NLRP13: variants seen among roughly 807,000 people sequenced by gnomAD.
NLRP13 encodes the protein NACHT, LRR and PYD domains-containing protein 13.
In NLRP13, 82 loss-of-function variants were observed where a neutral mutation model predicts 94.4. That is an observed-to-expected ratio of 0.87 (90% CI 0.73 to 1.04). The LOEUF is 1.04. Ranked by LOEUF, NLRP13 falls within the 50% of genes least tolerant of loss-of-function variation. The pLI, the probability that NLRP13 is intolerant of heterozygous loss-of-function variation, is 0.00. For synonymous variants in NLRP13, 553 were observed against 464.7 expected (o/e 1.19, Z -2.45); for missense variants, 1,426 against 1,230.8 (o/e 1.16, Z -2.37).
At chr19:55,922,445 A>G (rs1986854514) in intron 4 of NLRP13, among the ~76,000 whole-genome samples, 1 of 152,036 alleles carries the variant, frequency 6.6e-6, no homozygotes, top group Admixed American at 6.6e-5. Flanking sequence ...CTCCTGCCTC[A>G]GCCTCCCAAG....
At chr19:55,908,912 G>T (rs1037448971) in intron 6 of NLRP13, among the ~76,000 whole-genome samples, 2 of 152,112 alleles carry the variant, frequency 1.3e-5, no homozygotes, top group African/African-American at 2.4e-5. Flanking sequence ...GAACTTAAAT[G>T]TATTTTAAAA....
At chr19:55,907,099 C>T (rs1444368113) in intron 7 of NLRP13, among the ~76,000 whole-genome samples, 1 of 152,142 alleles carries the variant, frequency 6.6e-6, no homozygotes, top group Non-Finnish European at 1.5e-5. Context: ...GCTGAGATTA[C>T]AGGCATGTGC....
intron 4 of NLRP13, among the ~76,000 whole-genome samples, chr19:55,916,473 A>C (rs547113156): frequency 1.1e-3 from 167 of 152,334 alleles, no homozygotes; most frequent in African/African-American, 3.8e-3. Flanking sequence ...CAAAGAAATC[A>C]GAAAATAAAT....
At chr19:55,907,724 A>G in intron 7 of NLRP13, 68 bp downstream of exon 7, 1 of 1,479,024 alleles carries the variant, frequency 6.8e-7, no homozygotes, top group Non-Finnish European at 9.4e-7. Flanking sequence ...CAGCCCTCCC[A>G]GTGGATCGTG....
At chr19:55,908,896 AC>A (rs888937803) in intron 6 of NLRP13, among the ~76,000 whole-genome samples, 12 of 152,182 alleles carry the variant, frequency 7.9e-5, no homozygotes, top group African/African-American at 2.9e-4. Flanking sequence ...ATACACTTGT[AC>A]CCCTGAACTT....
intron 8 of NLRP13, among the ~76,000 whole-genome samples, chr19:55,902,986 A>T (rs1986231993): frequency 6.6e-6 from 1 of 150,762 alleles, no homozygotes; most frequent in South Asian, 2.1e-4. Flanking sequence ...CTGTAATATT[A>T]GTCATAATTA....
intron 4 of NLRP13, among the ~76,000 whole-genome samples, chr19:55,920,515 G>T (rs1986792295): frequency 6.6e-6 from 1 of 151,686 alleles, no homozygotes; most frequent in Non-Finnish European, 1.5e-5. Flanking sequence ...TTTTTTAAAA[G>T]AAGACATAGA....
chr19:55,895,862 T>C (rs1193011879), downstream of NLRP13: 1 of 1,481,804 alleles, frequency 6.7e-7, no homozygotes, highest in Non-Finnish European at 9.2e-7. Flanking sequence ...CCGAGTGCAA[T>C]GGAAACCTGA....
intron 6 of NLRP13, among the ~76,000 whole-genome samples, 178 bp from the exon 7 acceptor site, chr19:55,908,134 A>G (rs1986406901): frequency 6.6e-6 from 1 of 151,928 alleles, no homozygotes; most frequent in Non-Finnish European, 1.5e-5. Context: ...AAACTAAAAT[A>G]TACTCCCCCC....
intron 8 of NLRP13, 70 bp downstream of exon 8, chr19:55,904,872 G>T: frequency 7.7e-7 from 1 of 1,301,310 alleles, no homozygotes; most frequent in Non-Finnish European, 1.1e-6. Context: ...GATATCAAAT[G>T]AAGAAACCAT....
intron 10 of NLRP13, among the ~76,000 whole-genome samples, chr19:55,898,267 T>C (rs978473686): frequency 1.4e-5 from 2 of 146,156 alleles, no homozygotes; most frequent in Admixed American, 7.1e-5. Context: ...TGGAGTGCAA[T>C]GGCACAATCT....
chr19:55,913,425 G>T, intron 4 of NLRP13, 132 bp from the exon 5 acceptor site: 5 of 1,035,254 alleles, frequency 4.8e-6, no homozygotes, highest in South Asian at 1.7e-5. Flanking sequence ...TGGGAATGCA[G>T]TGGTAGAAAG....
chr19:55,909,467 G>T (rs1986443872), intron 6 of NLRP13, among the ~76,000 whole-genome samples: 1 of 151,610 alleles, frequency 6.6e-6, no homozygotes, highest in Non-Finnish European at 1.5e-5. Flanking sequence ...AAACCCTGGT[G>T]TTGCCTCCAA....
At chr19:55,930,843 C>T (rs1453992334) in intron 1 of NLRP13, among the ~76,000 whole-genome samples, 2 of 105,458 alleles carry the variant, frequency 1.9e-5, no homozygotes, top group Non-Finnish European at 1.8e-5. Flanking sequence ...TGCACTAAGA[C>T]CAGACGGCTT....
intron 4 of NLRP13, among the ~76,000 whole-genome samples, chr19:55,922,964 T>C (rs1051542338): frequency 6.6e-6 from 1 of 152,230 alleles, no homozygotes; most frequent in Non-Finnish European, 1.5e-5. Context: ...AAGAGCTGGC[T>C]GGGAGGATTG....
intron 7 of NLRP13, among the ~76,000 whole-genome samples, chr19:55,906,707 C>A (rs1255686008): frequency 6.6e-6 from 1 of 152,014 alleles, no homozygotes; most frequent in Non-Finnish European, 1.5e-5. Context: ...ATCACAGAGG[C>A]CCCGAGACAG....
In NLRP13 at chr19:55,925,032, T is replaced by C; in HGVS notation, c.323A>G (p.Asn108Ser). 1.2e-6 allele frequency: 2 copies of C among 1,613,908 alleles called. No individual in the cohort carries two copies. The highest frequency in any genetic ancestry group is 1.1e-5 in the South Asian group (1 of 91,068). The change falls in exon 2 of 11, where the codon AAT becomes AGT. Residue 108 changes from asparagine (N) to serine (S), a missense_variant. Coordinates refer to ENST00000342929, the MANE Select transcript of NLRP13 (RefSeq NM_176810.2). ...CEKVRAEMKE[N>S]VQTQELQDPT... Reference sequence around the variant, plus strand: ...ATCTTGCAGCTCTTGGGTCTGCACATTCTCTGAAACAAACAGTGATGATGA... The same window carrying C: ...ATCTTGCAGCTCTTGGGTCTGCACACTCTCTGAAACAAACAGTGATGATGA...
At chr19:55,909,809 C>A (rs750185136) in intron 6 of NLRP13, among the ~76,000 whole-genome samples, 6 of 152,118 alleles carry the variant, frequency 3.9e-5, no homozygotes, top group Non-Finnish European at 5.9e-5. Flanking sequence ...CCTCATGGTG[C>A]CTTCTATCTC....
chr19:55,929,630 G>T (rs900529547), intron 1 of NLRP13, among the ~76,000 whole-genome samples: 2 of 152,112 alleles, frequency 1.3e-5, no homozygotes, highest in Admixed American at 1.3e-4. Flanking sequence ...GTCAGTGGGT[G>T]GGGGGCTAGG....
Sources: gnomAD v4.1 joint callset for allele counts (sites outside exome capture counted in the v4.1 genomes callset) on GRCh38, gnomAD v4.1.1 for gene constraint, MANE v1.5 for transcripts, NCBI Gene and HGNC (gene_info 2026-07-23, HGNC 2026-07-21) for gene names.